Variants in CFAP299 observed in about 807,000 individuals in gnomAD.
The protein encoded by CFAP299 is cilia- and flagella-associated protein 299.
CFAP299 carries 21 observed loss-of-function variants against 27.0 expected under a neutral mutation model. That is an observed-to-expected ratio of 0.78 (90% CI 0.55 to 1.12). The LOEUF is 1.12. Ranked by LOEUF, CFAP299 falls within the 50% of genes most tolerant of loss-of-function variation. The probability of loss-of-function intolerance (pLI) is 0.00; values close to 1 mark genes in which losing one functional copy is unlikely to be tolerated. For synonymous variants in CFAP299, 104 were observed against 98.1 expected (o/e 1.06, Z -0.36); for missense variants, 310 against 276.6 (o/e 1.12, Z -0.86).
At chr4:80,928,488 A>G (rs181989931) in intron 4 of CFAP299, among the ~76,000 whole-genome samples, 9 of 152,218 alleles carry the variant, frequency 5.9e-5, no homozygotes, top group African/African-American at 2.2e-4. Flanking sequence ...GGTGATTATA[A>G]AGCAGAATTT....
At chr4:80,716,086 A>G (rs1578052178) in intron 3 of CFAP299, among the ~76,000 whole-genome samples, 1 of 152,166 alleles carries the variant, frequency 6.6e-6, no homozygotes, top group Non-Finnish European at 1.5e-5. Flanking sequence ...AGTTACCTAA[A>G]AGCTATAAAC....
At chr4:80,594,126 TATAAAG>T (rs1736927986) in intron 3 of CFAP299, among the ~76,000 whole-genome samples, 1 of 152,212 alleles carries the variant, frequency 6.6e-6, no homozygotes, top group Admixed American at 6.5e-5. Flanking sequence ...TTCGCACTGC[TATAAAG>T]AAATATCCAA....
intron 4 of CFAP299, among the ~76,000 whole-genome samples, chr4:80,910,526 C>A (rs917526096): frequency 1.4e-4 from 22 of 152,080 alleles, no homozygotes; most frequent in African/African-American, 5.3e-4. Context: ...TTTGCAGGAA[C>A]ATGGATAGAG....
At chr4:80,775,691 G>A (rs548615608) in intron 3 of CFAP299, among the ~76,000 whole-genome samples, 37 of 152,062 alleles carry the variant, frequency 2.4e-4, no homozygotes, top group African/African-American at 8.4e-4. Context: ...TTGTAAAAAG[G>A]CTTAAAATCT....
chr4:80,505,311 C>A (rs1246739712), intron 2 of CFAP299, among the ~76,000 whole-genome samples: 2 of 151,954 alleles, frequency 1.3e-5, no homozygotes, highest in Non-Finnish European at 2.9e-5. Flanking sequence ...CAGTTCTTTT[C>A]TGAAAAAGGA....
chr4:80,494,847 C>A (rs562118059), intron 2 of CFAP299, among the ~76,000 whole-genome samples: 88 of 152,220 alleles, frequency 5.8e-4, no homozygotes, highest in Middle Eastern at 3.4e-3. Context: ...ATAAACATTC[C>A]CATTTCAAAA....
the CFAP299 span, among the ~76,000 whole-genome samples, chr4:80,323,016 T>C: frequency 1.3e-5 from 2 of 152,112 alleles, no homozygotes; most frequent in South Asian, 2.1e-4. Flanking sequence ...AGAAGAAAAA[T>C]ACATCCTCAA....
intron 2 of CFAP299, among the ~76,000 whole-genome samples, chr4:80,415,661 C>T (rs930411939): frequency 2.6e-5 from 4 of 151,994 alleles, no homozygotes; most frequent in Non-Finnish European, 1.5e-5. Context: ...ATTATAATTT[C>T]ATCAATAGAT....
At chr4:80,488,680 G>A (rs987851681) in intron 2 of CFAP299, among the ~76,000 whole-genome samples, 3 of 152,134 alleles carry the variant, frequency 2.0e-5, no homozygotes, top group Non-Finnish European at 2.9e-5. Context: ...GTTTCACCGT[G>A]TTAGCCAGGA....
chr4:80,691,926 A>C (rs1315823446), intron 3 of CFAP299, among the ~76,000 whole-genome samples: 1 of 152,220 alleles, frequency 6.6e-6, no homozygotes, highest in Non-Finnish European at 1.5e-5. Flanking sequence ...CCAAATCATG[A>C]GTGAACTTCC....
In CFAP299 at chr4:80,934,618, C is replaced by A. The variant is rs148755599; in HGVS notation, c.477-10192C>A. Among the ~76,000 whole-genome samples the A allele has an allele frequency of 1.5e-3, 232 of 151,386 alleles. 1 individual carries two copies. The highest frequency in any genetic ancestry group is 5.2e-3 in the African/African-American group (213 of 41,304). On this transcript the variant is annotated intron_variant, in intron 4 of 5. Coordinates refer to ENST00000358105, the MANE Select transcript of CFAP299 (RefSeq NM_152770.3). Reference sequence around the variant, plus strand: ...ATTTTCTCTTTTTTCAAGATTCAATCTTGTTAGGTTGGATGGTTCCAGGAA... The same window carrying A: ...ATTTTCTCTTTTTTCAAGATTCAATATTGTTAGGTTGGATGGTTCCAGGAA...
intron 2 of CFAP299, among the ~76,000 whole-genome samples, chr4:80,401,407 G>T (rs1341847986): frequency 4.6e-5 from 7 of 152,150 alleles, no homozygotes; most frequent in Admixed American, 6.5e-5. Context: ...CTAGGGACTT[G>T]GTGCCCTATG....
At chr4:80,760,205 A>G (rs1029902788) in intron 3 of CFAP299, among the ~76,000 whole-genome samples, 6 of 152,206 alleles carry the variant, frequency 3.9e-5, no homozygotes, top group African/African-American at 1.4e-4. Context: ...ATGAAATAAT[A>G]TGAAAGAGAA....
In CFAP299 at chr4:80,568,289, G is replaced by A. The variant is rs555531944; in HGVS notation, c.243-14804G>A. ...TACATCAAAATTTAAACTTAGAATT[G>A]AATAAGTTGTGATTAGAATTTAATT... On this transcript the variant is annotated intron_variant, in intron 2 of 5. Coordinates refer to ENST00000358105, the MANE Select transcript of CFAP299 (RefSeq NM_152770.3). Among the ~76,000 whole-genome samples, 437 of 152,006 alleles carry A rather than the reference G, an allele frequency of 2.9e-3. 2 individuals carry two copies. The highest frequency in any genetic ancestry group is 6.9e-3 in the Middle Eastern group (2 of 290).
chr4:80,764,532 A>T (rs745548686), intron 3 of CFAP299, among the ~76,000 whole-genome samples: 1 of 152,176 alleles, frequency 6.6e-6, no homozygotes, highest in Non-Finnish European at 1.5e-5. Flanking sequence ...GGAAGACAGT[A>T]TGGTGATTCC....
intron 2 of CFAP299, chr4:80,388,032 T>A: frequency 1.4e-6 from 1 of 693,898 alleles, no homozygotes; most frequent in Non-Finnish European, 2.6e-6. Flanking sequence ...TAGGGCTGCA[T>A]CACCAGTGCC....
chr4:80,737,028 T>C (rs1723937953), intron 3 of CFAP299, among the ~76,000 whole-genome samples: 1 of 151,880 alleles, frequency 6.6e-6, no homozygotes, highest in African/African-American at 2.4e-5. Context: ...ATGGATGAAA[T>C]TGGAAATCGT....
intron 3 of CFAP299, among the ~76,000 whole-genome samples, chr4:80,856,933 C>T (rs1172723490): frequency 8.8e-4 from 134 of 151,886 alleles, no homozygotes; most frequent in African/African-American, 3.1e-3. Flanking sequence ...TTTTCCAATT[C>T]TGTGAAGAAA....
At chr4:80,661,602 G>A (rs1740850672) in intron 3 of CFAP299, among the ~76,000 whole-genome samples, 1 of 152,056 alleles carries the variant, frequency 6.6e-6, no homozygotes, top group Admixed American at 6.6e-5. Flanking sequence ...ATCTTCATAA[G>A]CTGAGGATGA....
Sources: gnomAD v4.1 joint callset for allele counts (sites outside exome capture counted in the v4.1 genomes callset) on GRCh38, gnomAD v4.1.1 for gene constraint, MANE v1.5 for transcripts, NCBI Gene and HGNC (gene_info 2026-07-23, HGNC 2026-07-21) for gene names.